CA8: variants seen among roughly 807,000 people sequenced by gnomAD.
The protein encoded by CA8 is carbonic anhydrase-related protein.
CA8 carries 22 observed loss-of-function variants against 41.4 expected under a neutral mutation model. That is an observed-to-expected ratio of 0.53 (90% confidence interval 0.38 to 0.76). The LOEUF is 0.76. Among genes scored for constraint, CA8 ranks in the 30% least tolerant of loss-of-function variants. The probability of loss-of-function intolerance (pLI) is 0.00; values close to 1 mark genes in which losing one functional copy is unlikely to be tolerated. For missense variants in CA8, 270 were observed against 352.8 expected (o/e 0.77, Z 1.88); for synonymous variants, 121 against 130.6 (o/e 0.93, Z 0.50).
intron 8 of CA8, among the ~76,000 whole-genome samples, chr8:60,201,134 T>C (rs1477693698): frequency 6.6e-6 from 1 of 152,196 alleles, no homozygotes; most frequent in Non-Finnish European, 1.5e-5. Context: ...GGCTCACGTT[T>C]CAAAGAAAAC....
chr8:60,207,291 CT>C (rs1806623447), intron 8 of CA8, among the ~76,000 whole-genome samples: 1 of 152,254 alleles, frequency 6.6e-6, no homozygotes, highest in Non-Finnish European at 1.5e-5. Flanking sequence ...TTTATGCACA[CT>C]TAATTAAGTA....
chr8:60,228,221 C>G (rs1329913464), intron 4 of CA8, among the ~76,000 whole-genome samples: 1 of 152,170 alleles, frequency 6.6e-6, no homozygotes, highest in Non-Finnish European at 1.5e-5. Flanking sequence ...CAAGAGTCTA[C>G]AATTATTCCC....
intron 5 of CA8, 131 bp from the exon 6 acceptor site, chr8:60,224,716 G>T: frequency 1.5e-6 from 1 of 658,414 alleles, no homozygotes. Flanking sequence ...ACAGACTTGT[G>T]GGTATCTCCT....
intron 8 of CA8, among the ~76,000 whole-genome samples, chr8:60,201,399 G>A (rs1487822918): frequency 6.6e-6 from 1 of 152,120 alleles, no homozygotes; most frequent in Non-Finnish European, 1.5e-5. Context: ...ACATTAAGTG[G>A]ACTCCAACAT....
At chr8:60,224,957 GC>G (rs1807376267) in intron 5 of CA8, among the ~76,000 whole-genome samples, 1 of 151,780 alleles carries the variant, frequency 6.6e-6, no homozygotes, top group African/African-American at 2.4e-5. Flanking sequence ...TTTTCAAAAT[GC>G]CTTTCCTCCT....
intron 7 of CA8, among the ~76,000 whole-genome samples, chr8:60,221,504 CCT>C (rs1015838424): frequency 2.6e-5 from 4 of 152,124 alleles, no homozygotes; most frequent in Admixed American, 1.3e-4. Context: ...AGCATATACC[CCT>C]GTTCAGTGTG....
At chr8:60,228,264 G>A (rs975761683) in intron 4 of CA8, among the ~76,000 whole-genome samples, 2 of 152,184 alleles carry the variant, frequency 1.3e-5, no homozygotes, top group African/African-American at 4.8e-5. Flanking sequence ...AATAAATTTT[G>A]TAAAGTTAAA....
intron 7 of CA8, among the ~76,000 whole-genome samples, chr8:60,213,430 T>C (rs113319744): frequency 3.4e-4 from 52 of 152,182 alleles, no homozygotes; most frequent in African/African-American, 1.1e-3. Context: ...ACTGAGAAAA[T>C]ACATATAAAA....
intron 3 of CA8, among the ~76,000 whole-genome samples, chr8:60,256,239 G>A (rs1218748799): frequency 6.6e-6 from 1 of 152,140 alleles, no homozygotes. Flanking sequence ...GTCTCTTCCT[G>A]AGTTGTATAA....
chr8:60,257,987 A>G (rs1305834113), intron 3 of CA8, among the ~76,000 whole-genome samples: 1 of 152,236 alleles, frequency 6.6e-6, no homozygotes. Context: ...AAAATATTAA[A>G]TGGAAAATTG....
intron 3 of CA8, among the ~76,000 whole-genome samples, chr8:60,242,896 A>G (rs1279965438): frequency 6.6e-6 from 1 of 152,360 alleles, no homozygotes; most frequent in East Asian, 1.9e-4. Flanking sequence ...ACTTACCTTC[A>G]GTAGGGCTAT....
At chr8:60,236,916 T>A (rs924483303) in intron 3 of CA8, among the ~76,000 whole-genome samples, 6 of 152,184 alleles carry the variant, frequency 3.9e-5, no homozygotes, top group African/African-American at 1.4e-4. Flanking sequence ...TAGGAAACGA[T>A]GAAGTGGCCT....
At chr8:60,238,581 C>G (rs1220481370) in intron 3 of CA8, among the ~76,000 whole-genome samples, 2 of 152,138 alleles carry the variant, frequency 1.3e-5, no homozygotes, top group African/African-American at 4.8e-5. Flanking sequence ...CTGGGACCCC[C>G]GTGCCTTTAT....
At chr8:60,203,937 G>A (rs1198154326) in intron 8 of CA8, among the ~76,000 whole-genome samples, 1 of 152,064 alleles carries the variant, frequency 6.6e-6, no homozygotes, top group African/African-American at 2.4e-5. Context: ...CATAAACCAG[G>A]GAACTATAAT....
At chr8:60,277,250 G>A (rs929162113) in intron 2 of CA8, among the ~76,000 whole-genome samples, 7 of 152,048 alleles carry the variant, frequency 4.6e-5, no homozygotes, top group African/African-American at 1.7e-4. Flanking sequence ...AGGAGAAACA[G>A]CTAGAAAGTT....
chr8:60,234,283 C>A (rs1343283189), intron 3 of CA8, among the ~76,000 whole-genome samples: 2 of 152,062 alleles, frequency 1.3e-5, no homozygotes, highest in Non-Finnish European at 2.9e-5. Context: ...AATGTCACAG[C>A]CAAAAGAAGC....
intron 7 of CA8, among the ~76,000 whole-genome samples, chr8:60,221,682 C>T (rs1037659467): frequency 1.3e-5 from 2 of 152,062 alleles, no homozygotes; most frequent in African/African-American, 2.4e-5. Flanking sequence ...GATCAAAGTT[C>T]ATAAAATAAT....
intron 8 of CA8, among the ~76,000 whole-genome samples, chr8:60,196,141 C>T (rs1003499483): frequency 3.9e-5 from 6 of 151,990 alleles, no homozygotes; most frequent in African/African-American, 9.6e-5. Context: ...GAAATCTTAC[C>T]GAAAACTATA....
chr8:60,208,736 TA>T lies in CA8; in HGVS notation c.*35+13del. ...AGCTGTGCACCTCATTTTCCTTACTTAATCTGGACATACCCTCATGAAGACA... is the reference window on the plus strand; with the variant it reads ...AGCTGTGCACCTCATTTTCCTTACTTATCTGGACATACCCTCATGAAGACA... On this transcript the variant is annotated intron_variant, in intron 8 of 8. Coordinates refer to ENST00000317995, the MANE Select transcript of CA8 (RefSeq NM_004056.6). 1 of 1,612,322 alleles carries T rather than the reference TA, an allele frequency of 6.2e-7. No homozygotes were observed. Among genetic ancestry groups the T allele is most frequent in the Non-Finnish European group, 8.5e-7 (1 of 1,178,406 alleles).
Sources: allele counts gnomAD v4.1 joint callset (sites outside exome capture counted in the v4.1 genomes callset), GRCh38; gene constraint gnomAD v4.1.1; transcripts MANE v1.5; gene names NCBI Gene and HGNC (gene_info 2026-07-23, HGNC 2026-07-21).